RGL1: variants seen among roughly 807,000 people sequenced by gnomAD.
RGL1 encodes ral guanine nucleotide dissociation stimulator like 1, also known as ral guanine nucleotide dissociation stimulator-like 1.
RGL1 carries 24 observed loss-of-function variants against 95.2 expected under a neutral mutation model. The observed-to-expected ratio is 0.25, with a 90% CI of 0.18 to 0.35. The LOEUF (loss-of-function observed/expected upper bound fraction) is 0.35, where lower values mean the gene tolerates loss of function less well. RGL1 is among the 10% of genes least tolerant of loss of function. The probability of loss-of-function intolerance (pLI) is 1.00; values close to 1 mark genes in which losing one functional copy is unlikely to be tolerated. For synonymous variants in RGL1, 329 were observed against 344.9 expected, an observed-to-expected ratio of 0.95 and a Z score of 0.51; for missense variants, 715 against 936.3, an observed-to-expected ratio of 0.76 and a Z score of 3.08.
chr1:183,869,971 A>C (rs1441181619), intron 4 of RGL1, among the ~76,000 whole-genome samples: 1 of 152,280 alleles, frequency 6.6e-6, no homozygotes, highest in African/African-American at 2.4e-5. Context: ...GGTTGTCTCA[A>C]CTTGGTGGGG....
intron 2 of RGL1, chr1:183,754,911 A>G (rs1658238354): frequency 6.6e-6 from 1 of 152,172 alleles, no homozygotes; most frequent in Admixed American, 6.5e-5. Flanking sequence ...GCTTTCATTT[A>G]CCTTTTGGCT....
At chr1:183,864,193 G>A (rs1003199211) in intron 3 of RGL1, among the ~76,000 whole-genome samples, 1 of 152,226 alleles carries the variant, frequency 6.6e-6, no homozygotes, top group Non-Finnish European at 1.5e-5. Flanking sequence ...GCAGTAAAAT[G>A]TGTATCTTTC....
intron 2 of RGL1, among the ~76,000 whole-genome samples, chr1:183,837,452 A>G (rs187268565): frequency 8.5e-5 from 13 of 152,342 alleles, no homozygotes; most frequent in African/African-American, 2.6e-4. Flanking sequence ...GGAGGGAGCT[A>G]TGAATTTTGG....
rs1669345221 is a variant in RGL1 at position 183,922,211 on chromosome 1, T to C, written c.2005-11T>C. 2 of 1,611,076 alleles carry C rather than the reference T, an allele frequency of 1.2e-6. No individual in the cohort carries two copies. Among genetic ancestry groups the C allele is most frequent in the East Asian group, 4.5e-5 (2 of 44,852 alleles). On this transcript the variant is annotated splice_polypyrimidine_tract_variant and intron_variant, in intron 16 of 17. Transcript: ENST00000360851. ...CTAAGTACTTTACAAACCTGTTCAT[T>C]GTCTTTGCAGTTGACGAGCCAGGAT...
chr1:183,792,634 A>C (rs1660491337), intron 2 of RGL1, among the ~76,000 whole-genome samples: 1 of 152,148 alleles, frequency 6.6e-6, no homozygotes. Flanking sequence ...CAAAATCAAC[A>C]TACAAAAATC....
intron 2 of RGL1, among the ~76,000 whole-genome samples, chr1:183,784,984 G>T (rs868228190): frequency 1.3e-5 from 2 of 152,184 alleles, no homozygotes; most frequent in Middle Eastern, 3.4e-3. Flanking sequence ...TTAATTTCAC[G>T]TGTTTCTTTT....
At chr1:183,719,632 G>A (rs1260265630) in intron 1 of RGL1, among the ~76,000 whole-genome samples, 2 of 152,218 alleles carry the variant, frequency 1.3e-5, no homozygotes, top group African/African-American at 4.8e-5. Context: ...AAGGCCAGGT[G>A]CAGTGGCTCC....
At chr1:183,805,966 CTTTTCTTTTTTTTTTTTTTTTTTTT>C (rs1661279225) in intron 1 of RGL1, among the ~76,000 whole-genome samples, 2 of 28,402 alleles carry the variant, frequency 7.0e-5, no homozygotes, top group Non-Finnish European at 1.6e-4. Flanking sequence ...TTTTTCTTTT[CTTTTCTTTTTTTTTTTTTTTTTTTT>C]TTTTTTTTTT....
At chr1:183,922,486 C>T (rs958231170) in intron 17 of RGL1, 150 bp downstream of exon 17, 5 of 622,966 alleles carry the variant, frequency 8.0e-6, no homozygotes, top group Admixed American at 5.3e-5. Context: ...GGTGAACAAC[C>T]GTGCCATCAC....
At chr1:183,920,917 C>T (rs1353186608) in intron 16 of RGL1, among the ~76,000 whole-genome samples, 1 of 152,160 alleles carries the variant, frequency 6.6e-6, no homozygotes, top group African/African-American at 2.4e-5. Context: ...CTGCCATCCT[C>T]AGGCACACAA....
intron 7 of RGL1, among the ~76,000 whole-genome samples, chr1:183,887,541 G>A (rs375713817): frequency 1.8e-4 from 27 of 152,018 alleles, no homozygotes; most frequent in African/African-American, 5.8e-4. Context: ...GGCCTAGTAC[G>A]CTGTCATGTG....
At chr1:183,662,246 A>G (rs886452720) in intron 1 of RGL1, among the ~76,000 whole-genome samples, 27 of 150,904 alleles carry the variant, frequency 1.8e-4, no homozygotes, top group Non-Finnish European at 3.1e-4. Flanking sequence ...AAGGGTATTC[A>G]ATTAGGAAAA....
At chr1:183,711,165 T>C (rs1019088046) in intron 1 of RGL1, among the ~76,000 whole-genome samples, 1 of 152,108 alleles carries the variant, frequency 6.6e-6, no homozygotes, top group Admixed American at 6.6e-5. Flanking sequence ...CAGTGTGCAC[T>C]CAGATCCTGG....
intron 1 of RGL1, among the ~76,000 whole-genome samples, chr1:183,723,889 A>G (rs1357691787): frequency 6.6e-6 from 1 of 152,162 alleles, no homozygotes; most frequent in East Asian, 1.9e-4. Context: ...CACAGCTCCA[A>G]AAAAGACTCC....
chr1:183,712,447 G>T (rs1170247997), intron 1 of RGL1, among the ~76,000 whole-genome samples: 1 of 152,198 alleles, frequency 6.6e-6, no homozygotes, highest in African/African-American at 2.4e-5. Flanking sequence ...AACTCTTCGT[G>T]TGTGCTTGAG....
At chr1:183,804,560 C>T (rs1223917527), upstream of RGL1, among the ~76,000 whole-genome samples, 1 of 152,196 alleles carries the variant, frequency 6.6e-6, no homozygotes, top group Non-Finnish European at 1.5e-5. Context: ...AAACCTTACC[C>T]TGCTTTGTTC....
chr1:183,925,932 G>T (rs182009140), intron 17 of RGL1, among the ~76,000 whole-genome samples, 173 bp from the exon 18 acceptor site: 1 of 152,258 alleles, frequency 6.6e-6, no homozygotes, highest in Non-Finnish European at 1.5e-5. Context: ...GGATTGAGAA[G>T]CTGGGGCCAA....
At chr1:183,838,750 A>G (rs1178457948) in intron 2 of RGL1, among the ~76,000 whole-genome samples, 5 of 152,244 alleles carry the variant, frequency 3.3e-5, no homozygotes, top group African/African-American at 7.2e-5. Flanking sequence ...CACTGACACA[A>G]TCTGAGAGGG....
At chr1:183,763,316 A>C (rs1658802162) in intron 2 of RGL1, among the ~76,000 whole-genome samples, 1 of 152,156 alleles carries the variant, frequency 6.6e-6, no homozygotes. Flanking sequence ...GCAGTAAACC[A>C]CTATGGCACA....
Sources: gnomAD v4.1 joint callset for allele counts (sites outside exome capture counted in the v4.1 genomes callset) on GRCh38, gnomAD v4.1.1 for gene constraint, MANE v1.5 for transcripts, NCBI Gene and HGNC (gene_info 2026-07-23, HGNC 2026-07-21) for gene names.